URI1: variants seen among roughly 807,000 people sequenced by gnomAD.
URI1 encodes the protein URI1 prefoldin like chaperone.
In URI1, 39 loss-of-function variants were observed where a neutral mutation model predicts 60.2. The ratio of observed to expected loss-of-function variants is 0.65; its 90% CI spans 0.50 to 0.85. The LOEUF is 0.85. URI1 is among the 40% of genes least tolerant of loss of function. The probability of loss-of-function intolerance (pLI) is 0.00; values close to 1 mark genes in which losing one functional copy is unlikely to be tolerated. For missense variants in URI1, 691 were observed against 665.9 expected (o/e 1.04, Z -0.42); for synonymous variants, 251 against 236.8 (o/e 1.06, Z -0.55).
chr19:29,933,841 C>G (rs1025125003), intron 1 of URI1, among the ~76,000 whole-genome samples: 1 of 149,702 alleles, frequency 6.7e-6, no homozygotes, highest in African/African-American at 2.5e-5. Context: ...AAAAAATCAA[C>G]TTTTATTTTC....
At chr19:29,934,819 G>GA (rs2054955112) in intron 1 of URI1, among the ~76,000 whole-genome samples, 1 of 151,474 alleles carries the variant, frequency 6.6e-6, no homozygotes, top group Admixed American at 6.6e-5. Context: ...GCTTCCCAGG[G>GA]ATTGGTAGCA....
At chr19:30,013,840 T>C (rs1250226106) in intron 10 of URI1, among the ~76,000 whole-genome samples, 1 of 152,164 alleles carries the variant, frequency 6.6e-6, no homozygotes, top group Non-Finnish European at 1.5e-5. Flanking sequence ...AGCTTTAAGC[T>C]GCTTTTACCA....
chr19:29,986,291 G>A lies in URI1; in HGVS notation c.241G>A (p.Gly81Ser). The A allele has an allele frequency of 6.3e-7, 1 of 1,588,150 alleles. No individual in the cohort carries two copies. The highest frequency in any genetic ancestry group is 1.4e-5 in the African/African-American group (1 of 72,784). The change falls in exon 4 of 11, where the codon GGC becomes AGC. Residue 81 changes from glycine (G) to serine (S), a missense_variant. Gly to Ser is a moderately conservative substitution (Grantham distance 56, BLOSUM62 0). Coordinates refer to ENST00000392271, the MANE Select transcript of URI1 (RefSeq NM_003796.3). ...KLSYNIMVPF[G>S]PFAFMPGKLV... ...TTTTTTTAAACAATAGGTACCATTT[G>A]GCCCTTTTGCCTTCATGCCAGGAAA...
At chr19:29,961,411 T>A (rs1377409488) in intron 1 of URI1, among the ~76,000 whole-genome samples, 1 of 152,156 alleles carries the variant, frequency 6.6e-6, no homozygotes, top group Non-Finnish European at 1.5e-5. Context: ...CATAGAGTAT[T>A]TGTCCTTTTG....
In URI1 at chr19:30,015,531, TGTAG is replaced by T; in HGVS notation, c.*465_*468del. The T allele has an allele frequency of 6.5e-7, 1 of 1,534,900 alleles. No individual in the cohort carries two copies. The highest frequency in any genetic ancestry group is 8.7e-7 in the Non-Finnish European group (1 of 1,146,270). On this transcript the variant is annotated 3_prime_UTR_variant, in exon 11 of 11. Transcript: ENST00000392271. ...GCACTTTAAAAAAATCTACTTCTCT[TGTAG>T]GTTTTGCGGCTAGTTGGCTATTCAA...
intron 1 of URI1, among the ~76,000 whole-genome samples, chr19:29,969,052 A>G (rs2055426266): frequency 6.6e-6 from 1 of 152,192 alleles, no homozygotes; most frequent in South Asian, 2.1e-4. Flanking sequence ...ATATATTTTT[A>G]TATCTACCTC....
chr19:30,013,937 T>A (rs1199979248), intron 10 of URI1, among the ~76,000 whole-genome samples: 1 of 152,082 alleles, frequency 6.6e-6, no homozygotes, highest in East Asian at 1.9e-4. Context: ...GGTGGCTTTT[T>A]AAATTATTTA....
chr19:29,948,868 G>A (rs539447162), intron 1 of URI1, among the ~76,000 whole-genome samples: 83 of 152,298 alleles, frequency 5.4e-4, no homozygotes, highest in Non-Finnish European at 9.9e-4. Flanking sequence ...CCTGCCACAC[G>A]GGGTGGCGGC....
At chr19:29,970,901 C>G (rs2055451036) in intron 1 of URI1, among the ~76,000 whole-genome samples, 1 of 152,044 alleles carries the variant, frequency 6.6e-6, no homozygotes, top group Admixed American at 6.6e-5. Flanking sequence ...GTACAAAATA[C>G]TAGTTATCTT....
chr19:30,001,458 A>C (rs2055877174), intron 4 of URI1, among the ~76,000 whole-genome samples: 1 of 151,846 alleles, frequency 6.6e-6, no homozygotes, highest in South Asian at 2.1e-4. Context: ...TCCTGGTTTC[A>C]CTAAGACATT....
In URI1 at chr19:29,956,846, A is replaced by G. The variant is rs999118859; in HGVS notation, c.117+14182A>G. On this transcript the variant is annotated intron_variant, in intron 1 of 10. Coordinates refer to ENST00000392271, the MANE Select transcript of URI1 (RefSeq NM_003796.3). ...CCGGAGCCTCTTTTTTTTCTTTCCA[A>G]GGAGTCTGAGTTCTACGTTGATGTG... is the stretch of plus-strand genomic sequence containing the variant. 3 of 1,568,050 alleles carry G rather than the reference A, an allele frequency of 1.9e-6. No homozygotes were observed. In the Admixed American group the frequency reaches 5.0e-5, roughly 26 times the overall value.
chr19:30,013,796 C>T (rs1460457682), intron 10 of URI1, among the ~76,000 whole-genome samples: 1 of 152,116 alleles, frequency 6.6e-6, no homozygotes, highest in Non-Finnish European at 1.5e-5. Flanking sequence ...AGGCTCTATG[C>T]TCATCGTGAT....
chr19:29,952,596 G>C (rs961670419), intron 1 of URI1, among the ~76,000 whole-genome samples: 1 of 151,650 alleles, frequency 6.6e-6, no homozygotes, highest in Non-Finnish European at 1.5e-5. Flanking sequence ...GTGTCTTCAG[G>C]GTTTTTTTCT....
At position 29,942,590 on chromosome 19, in the gene URI1, C is replaced by G; in HGVS notation, c.43C>G (p.Pro15Ala). The G allele has an allele frequency of 1.4e-6, 2 of 1,433,056 alleles. No individual in the cohort carries two copies. The highest frequency in any genetic ancestry group is 1.8e-6 in the Non-Finnish European group (2 of 1,096,748). The allele number at this position is 1,433,056 out of a possible 1,614,324, so 88.8% of individuals were successfully genotyped here. ...GGAGACGCCCCCCGACCCCTCGCCC[C>G]CTTCGGCCCCGGCCCCTGCCCTGGT... ...TVETPPDPSP[P>A]SAPAPALVPL... The change falls in exon 1 of 11, where the codon CCT becomes GCT. Residue 15 changes from proline to alanine, a missense_variant. Coordinates refer to ENST00000392271, the MANE Select transcript of URI1 (RefSeq NM_003796.3).
intron 9 of URI1, 75 bp from the exon 10 acceptor site, chr19:30,012,210 A>G (rs1203606755): frequency 3.4e-6 from 5 of 1,484,048 alleles, no homozygotes; most frequent in Non-Finnish European, 4.5e-6. Context: ...AATAGATTCA[A>G]GGAAATTTTC....
chr19:29,941,901 G>C (rs1002525359), upstream of URI1, among the ~76,000 whole-genome samples: 2 of 151,998 alleles, frequency 1.3e-5, no homozygotes, highest in African/African-American at 2.4e-5. Flanking sequence ...CCAAACGACG[G>C]GGAGGGAGAT....
At chr19:29,976,605 T>C (rs1441071693) in intron 2 of URI1, among the ~76,000 whole-genome samples, 1 of 152,226 alleles carries the variant, frequency 6.6e-6, no homozygotes, top group Non-Finnish European at 1.5e-5. Flanking sequence ...TCATTTTTAA[T>C]GCACTGCAAT....
intron 4 of URI1, among the ~76,000 whole-genome samples, chr19:29,996,461 T>A (rs112428871): frequency 6.5e-4 from 98 of 151,050 alleles, no homozygotes; most frequent in African/African-American, 2.4e-3. Flanking sequence ...TTTTTTTTAT[T>A]AGCTTTACAA....
At chr19:29,927,567 T>C (rs1341095921) in intron 1 of URI1, among the ~76,000 whole-genome samples, 3 of 121,602 alleles carry the variant, frequency 2.5e-5, no homozygotes, top group Non-Finnish European at 5.1e-5. Context: ...CGGCTTTTTT[T>C]TTTTTTTTTT....
Sources: allele counts gnomAD v4.1 joint callset (sites outside exome capture counted in the v4.1 genomes callset), GRCh38; gene constraint gnomAD v4.1.1; transcripts MANE v1.5; gene names NCBI Gene and HGNC (gene_info 2026-07-23, HGNC 2026-07-21).